DHDDS: variants seen among roughly 807,000 people sequenced by gnomAD.
The protein encoded by DHDDS is dehydrodolichyl diphosphate synthase subunit, also known as dehydrodolichyl diphosphate synthase complex subunit DHDDS.
A neutral mutation model predicts 46.2 loss-of-function variants in DHDDS; 16 were observed. The observed-to-expected ratio is 0.35, with a 90% CI of 0.23 to 0.53. The LOEUF is 0.53. Among genes scored for constraint, DHDDS ranks in the 20% least tolerant of loss-of-function variants. The probability of loss-of-function intolerance (pLI) is 0.94; values close to 1 mark genes in which losing one functional copy is unlikely to be tolerated. For synonymous variants in DHDDS, 151 were observed against 163.1 expected, an observed-to-expected ratio of 0.93 and a Z score of 0.56; for missense variants, 340 against 423.7, an observed-to-expected ratio of 0.80 and a Z score of 1.73.
intron 6 of DHDDS, among the ~76,000 whole-genome samples, chr1:26,457,511 A>G (rs2075381796): frequency 6.6e-6 from 1 of 151,150 alleles, no homozygotes; most frequent in Non-Finnish European, 1.5e-5. Flanking sequence ...GTATCAGAAC[A>G]TGTCAAAAAA....
intron 4 of DHDDS, 175 bp downstream of exon 4, chr1:26,443,048 C>A (rs562005160): frequency 5.9e-6 from 4 of 683,172 alleles, no homozygotes; most frequent in Non-Finnish European, 6.0e-6. Context: ...TTCTTTATTT[C>A]TAACTTTTTA....
At chr1:26,434,979 G>A (rs1409825356) in intron 2 of DHDDS, among the ~76,000 whole-genome samples, 4 of 150,428 alleles carry the variant, frequency 2.7e-5, no homozygotes, top group African/African-American at 9.8e-5. Context: ...GTTTTGTTTG[G>A]CTCAAAAAAA....
chr1:26,442,185 G>A (rs1413695546), intron 3 of DHDDS, among the ~76,000 whole-genome samples: 1 of 152,206 alleles, frequency 6.6e-6, no homozygotes, highest in Non-Finnish European at 1.5e-5. Context: ...AGAATCAAAT[G>A]AAATTATGTG....
intron 7 of DHDDS, among the ~76,000 whole-genome samples, chr1:26,459,721 C>G (rs1036661706): frequency 1.3e-5 from 2 of 152,174 alleles, no homozygotes; most frequent in Non-Finnish European, 2.9e-5. Flanking sequence ...GGGCCAAGAG[C>G]CAATAACATA....
chr1:26,468,241 G>C (rs2075513269), intron 8 of DHDDS, among the ~76,000 whole-genome samples: 1 of 152,124 alleles, frequency 6.6e-6, no homozygotes, highest in African/African-American at 2.4e-5. Context: ...GGGGTCATTT[G>C]CTGGAAGGAT....
At chr1:26,468,093 G>A (rs541158182) in intron 8 of DHDDS, among the ~76,000 whole-genome samples, 2 of 152,330 alleles carry the variant, frequency 1.3e-5, no homozygotes, top group South Asian at 4.1e-4. Flanking sequence ...GGTTGCAAGA[G>A]GCTTGAAGGC....
intron 6 of DHDDS, chr1:26,455,246 A>G: frequency 1.6e-6 from 1 of 631,292 alleles, no homozygotes; most frequent in South Asian, 1.8e-5. Context: ...TTTAAAGATA[A>G]GAGAATGAGA....
chr1:26,448,498 T>C (rs1232308825), intron 6 of DHDDS: 1 of 152,544 alleles, frequency 6.6e-6, no homozygotes, highest in Non-Finnish European at 1.5e-5. Flanking sequence ...AAAAGAAAAT[T>C]ATTAATTATT....
chr1:26,468,811 G>GCCCCCCCCCCAACCCC, intron 8 of DHDDS, 84 bp from the exon 9 acceptor site: 3 of 637,982 alleles, frequency 4.7e-6, no homozygotes, highest in East Asian at 4.0e-5. Context: ...CCCACCCTGT[G>GCCCCCCCCCCAACCCC]CCCCACCCCC....
chr1:26,452,902 C>T (rs1306705197), intron 6 of DHDDS, among the ~76,000 whole-genome samples: 1 of 152,102 alleles, frequency 6.6e-6, no homozygotes, highest in Non-Finnish European at 1.5e-5. Context: ...AGTTTGAGAC[C>T]AGCCCTGGCA....
Position 26,451,967 on chromosome 1 carries a change from G to A in DHDDS, c.542+4307G>A, listed in dbSNP as rs562444595. ...TCACCATGTTGACCAGGCTGATCTCGAACTCCTGACCTCAAGTGATCTGCC... is the reference window on the plus strand; with the variant it reads ...TCACCATGTTGACCAGGCTGATCTCAAACTCCTGACCTCAAGTGATCTGCC... On this transcript the variant is annotated intron_variant, in intron 6 of 8. Coordinates refer to ENST00000236342, the MANE Select transcript of DHDDS (RefSeq NM_205861.3). Among the ~76,000 whole-genome samples the A allele has an allele frequency of 1.9e-3, 288 of 151,992 alleles. 1 individual carries two copies. Among genetic ancestry groups the A allele is most frequent in the African/African-American group, 6.2e-3 (258 of 41,478 alleles).
chr1:26,451,850 G>A (rs1343676999), intron 6 of DHDDS, among the ~76,000 whole-genome samples: 5 of 151,626 alleles, frequency 3.3e-5, no homozygotes, highest in African/African-American at 9.7e-5. Flanking sequence ...GGATGGTCTC[G>A]ATCTCCTGAC....
chr1:26,469,120 G>A lies in DHDDS; in HGVS notation c.991G>A (p.Ala331Thr). Reference sequence around the variant, plus strand: ...TGACTGGCTGGCCCGTCTGGGCACTGCATCAGCCTGAATGAGGCTGGCCAC... The same window carrying A: ...TGACTGGCTGGCCCGTCTGGGCACTACATCAGCCTGAATGAGGCTGGCCAC... ...RADWLARLGT[A>T]SA Residue 331 changes from alanine (A) to threonine (T), a missense_variant, in exon 9 of 9, where the codon GCA (alanine) becomes ACA (threonine). Ala to Thr is a moderately conservative substitution (Grantham distance 58). Coordinates refer to ENST00000236342, the MANE Select transcript of DHDDS (RefSeq NM_205861.3). 6.2e-7 allele frequency: 1 copy of A among 1,611,936 alleles called. No individual in the cohort carries two copies. The highest frequency in any genetic ancestry group is 2.2e-5 in the East Asian group (1 of 44,882).
chr1:26,438,323 G>A, intron 3 of DHDDS, 39 bp downstream of exon 3: 3 of 1,574,566 alleles, frequency 1.9e-6, no homozygotes, highest in Non-Finnish European at 2.6e-6. Context: ...AACAGTCTGT[G>A]GAGAGGTAGA....
rs189000656 is a variant in DHDDS at position 26,446,253 on chromosome 1, G to C, written c.324-63G>C. The C allele has an allele frequency of 6.8e-6, 10 of 1,478,060 alleles. No homozygotes were observed. In the African/African-American group the frequency reaches 1.4e-4, roughly 20 times the overall value. The allele number at this position is 1,478,060 out of a possible 1,614,324, so 91.6% of individuals were successfully genotyped here. On this transcript the variant is annotated intron_variant, in intron 4 of 8. Coordinates refer to ENST00000236342, the MANE Select transcript of DHDDS (RefSeq NM_205861.3). The stretch of plus-strand genomic sequence containing the variant: ...AAACTGGTGGTCAGTTATTACCTGA[G>C]CACCTTGCTCTCTCCAGCTCAGCAG...
Position 26,469,301 on chromosome 1 carries a change from C to G in DHDDS, c.*170C>G. The G allele has an allele frequency of 8.1e-7, 1 of 1,236,574 alleles. No individual in the cohort carries two copies. Among genetic ancestry groups the G allele is most frequent in the Non-Finnish European group, 1.1e-6 (1 of 880,890 alleles). 76.6% of individuals were successfully genotyped at this position (1,236,574 alleles called of 1,614,324 possible). On this transcript the variant is annotated 3_prime_UTR_variant, in exon 9 of 9. Transcript: ENST00000236342. ...CTGGCCATAGATACCTTTGGGCTGC[C>G]TGGGACAGGCTCCTGAGGAGGATTG...
chr1:26,447,509 C>T (rs1269017642), intron 5 of DHDDS, 50 bp from the exon 6 acceptor site: 3 of 1,451,380 alleles, frequency 2.1e-6, no homozygotes, highest in Non-Finnish European at 2.9e-6. Flanking sequence ...TGACTTCAAT[C>T]ATCAGTCCCT....
intron 6 of DHDDS, among the ~76,000 whole-genome samples, chr1:26,453,492 C>T (rs978390683): frequency 1.6e-4 from 25 of 152,158 alleles, no homozygotes; most frequent in African/African-American, 5.8e-4. Flanking sequence ...TGCAGTGGCT[C>T]ATACCTGTAA....
chr1:26,463,466 T>C (rs939483180), intron 8 of DHDDS: 1 of 152,204 alleles, frequency 6.6e-6, no homozygotes, highest in Admixed American at 6.5e-5. Flanking sequence ...ACTTAAGAGG[T>C]TTATTGTTAG....
Sources: gnomAD v4.1 joint callset for allele counts (sites outside exome capture counted in the v4.1 genomes callset) on GRCh38, gnomAD v4.1.1 for gene constraint, MANE v1.5 for transcripts, NCBI Gene and HGNC (gene_info 2026-07-23, HGNC 2026-07-21) for gene names.